Variants in DPY19L2 observed in about 807,000 individuals in gnomAD.
DPY19L2 encodes the protein probable C-mannosyltransferase DPY19L2.
In DPY19L2, 34 loss-of-function variants were observed where a neutral mutation model predicts 97.9. The ratio of observed to expected loss-of-function variants is 0.35; its 90% CI spans 0.26 to 0.46. The LOEUF is 0.46. Ranked by LOEUF, DPY19L2 falls within the 20% of genes least tolerant of loss-of-function variation. DPY19L2 has a pLI of 1.00. For synonymous variants in DPY19L2, 230 were observed against 307.9 expected (o/e 0.75, Z 2.65); for missense variants, 623 against 911.4 (o/e 0.68, Z 4.07).
chr12:63,593,913 T>A (rs1353748693), intron 16 of DPY19L2, among the ~76,000 whole-genome samples, 174 bp downstream of exon 16: 1 of 152,140 alleles, frequency 6.6e-6, no homozygotes, highest in Non-Finnish European at 1.5e-5. Context: ...TCCAAATACA[T>A]ATAAGAAATC....
intron 4 of DPY19L2, among the ~76,000 whole-genome samples, chr12:63,656,201 A>T (rs1218417911): frequency 6.6e-6 from 1 of 152,132 alleles, no homozygotes; most frequent in African/African-American, 2.4e-5. Context: ...ACCCAACATG[A>T]TTAAATCCAA....
At chr12:63,563,788 A>C (rs1297533922) in intron 21 of DPY19L2, among the ~76,000 whole-genome samples, 1 of 152,290 alleles carries the variant, frequency 6.6e-6, no homozygotes, top group Non-Finnish European at 1.5e-5. Flanking sequence ...CCAGTTGGGA[A>C]GTAATCCCTC....
chr12:63,572,313 G>A (rs1405035784), intron 19 of DPY19L2, among the ~76,000 whole-genome samples: 3 of 152,128 alleles, frequency 2.0e-5, no homozygotes, highest in Non-Finnish European at 2.9e-5. Context: ...TGGTAGTGGT[G>A]GAAATGAGGA....
chr12:63,618,741 GCAT>G (rs1296959535), intron 9 of DPY19L2, among the ~76,000 whole-genome samples: 1 of 152,094 alleles, frequency 6.6e-6, no homozygotes, highest in African/African-American at 2.4e-5. Flanking sequence ...CAATCTGATT[GCAT>G]AAAGGTGGTT....
chr12:63,563,744 A>T (rs1422935137), intron 21 of DPY19L2, among the ~76,000 whole-genome samples: 1 of 152,106 alleles, frequency 6.6e-6, no homozygotes, highest in Non-Finnish European at 1.5e-5. Flanking sequence ...TGTTTCTCTC[A>T]TGTTGGTATC....
intron 19 of DPY19L2, among the ~76,000 whole-genome samples, chr12:63,572,093 T>C (rs1158437503): frequency 1.3e-5 from 2 of 152,130 alleles, no homozygotes; most frequent in Non-Finnish European, 2.9e-5. Context: ...TTGGCCGCAG[T>C]GGGGAGCAGC....
At chr12:63,562,928 T>G (rs1876896272) in intron 21 of DPY19L2, among the ~76,000 whole-genome samples, 1 of 152,078 alleles carries the variant, frequency 6.6e-6, no homozygotes, top group African/African-American at 2.4e-5. Context: ...CCCGAGTAGC[T>G]GGGATTATAT....
chr12:63,577,518 AAT>A (rs1267344106), intron 19 of DPY19L2, among the ~76,000 whole-genome samples: 1 of 152,164 alleles, frequency 6.6e-6, no homozygotes, highest in Non-Finnish European at 1.5e-5. Flanking sequence ...AATAAGCAAA[AAT>A]ATTTGCAAAC....
chr12:63,581,614 G>A (rs1800400913), intron 18 of DPY19L2, among the ~76,000 whole-genome samples: 1 of 149,612 alleles, frequency 6.7e-6, no homozygotes, highest in Admixed American at 6.7e-5. Context: ...CTCCTGAGTA[G>A]CTGGGATTAC....
At chr12:63,633,027 A>T (rs373969859) in intron 6 of DPY19L2, among the ~76,000 whole-genome samples, 5 of 152,158 alleles carry the variant, frequency 3.3e-5, no homozygotes, top group African/African-American at 1.2e-4. Context: ...GAAAGCTGAC[A>T]CTGGATCCCT....
chr12:63,589,669 G>A (rs61935052), intron 16 of DPY19L2, among the ~76,000 whole-genome samples: 5,622 of 151,912 alleles, frequency 0.037, 148 homozygotes, highest in Middle Eastern at 0.062. Flanking sequence ...GTATAGGGAA[G>A]TGTTCTAAGC....
At chr12:63,572,607 T>C (rs1297443443) in intron 19 of DPY19L2, among the ~76,000 whole-genome samples, 1 of 152,118 alleles carries the variant, frequency 6.6e-6, no homozygotes, top group Non-Finnish European at 1.5e-5. Flanking sequence ...GTAGTTACAA[T>C]GAGCTTTGGG....
At chr12:63,561,913 T>G (rs1469587883) in intron 21 of DPY19L2, among the ~76,000 whole-genome samples, 2 of 152,156 alleles carry the variant, frequency 1.3e-5, no homozygotes, top group Non-Finnish European at 2.9e-5. Context: ...CCACCAACAA[T>G]GCATGAGAGT....
chr12:63,610,680 A>C (rs1366812608), intron 11 of DPY19L2, among the ~76,000 whole-genome samples: 2 of 150,672 alleles, frequency 1.3e-5, no homozygotes, highest in African/African-American at 2.4e-5. Flanking sequence ...GAATTCTATG[A>C]AACATTTAAA....
chr12:63,619,368 G>A (rs1159944841), intron 9 of DPY19L2, among the ~76,000 whole-genome samples: 1 of 152,086 alleles, frequency 6.6e-6, no homozygotes, highest in African/African-American at 2.4e-5. Context: ...AAATCTTAAA[G>A]TACTTCCAGA....
chr12:63,622,670 A>T (rs1294946696), intron 8 of DPY19L2, among the ~76,000 whole-genome samples: 1 of 152,140 alleles, frequency 6.6e-6, no homozygotes, highest in Admixed American at 6.5e-5. Flanking sequence ...TCACACCTGT[A>T]ATCCCAGCAC....
At chr12:63,637,587 T>C (rs1042360892) in intron 6 of DPY19L2, among the ~76,000 whole-genome samples, 4 of 151,932 alleles carry the variant, frequency 2.6e-5, no homozygotes, top group African/African-American at 9.7e-5. Context: ...TAAACACCTC[T>C]ACTATAAACT....
At chr12:63,648,052 C>G (rs1893667258) in intron 4 of DPY19L2, among the ~76,000 whole-genome samples, 1 of 152,046 alleles carries the variant, frequency 6.6e-6, no homozygotes, top group Admixed American at 6.6e-5. Flanking sequence ...GAAGACTCCC[C>G]CCTCATGAGT....
At chr12:63,589,851 G>A (rs1304697954) in intron 16 of DPY19L2, among the ~76,000 whole-genome samples, 1 of 151,992 alleles carries the variant, frequency 6.6e-6, no homozygotes, top group African/African-American at 2.4e-5. Flanking sequence ...ACACATAGCC[G>A]GGCACAGTGG....
Sources: gnomAD v4.1 joint callset for allele counts (sites outside exome capture counted in the v4.1 genomes callset) on GRCh38, gnomAD v4.1.1 for gene constraint, MANE v1.5 for transcripts, NCBI Gene and HGNC (gene_info 2026-07-23, HGNC 2026-07-21) for gene names.